IL1RAPL2: variants seen among roughly 807,000 people sequenced by gnomAD.
IL1RAPL2 encodes the protein interleukin 1 receptor accessory protein like 2.
In IL1RAPL2, 3 loss-of-function variants were observed where a neutral mutation model predicts 44.1. That is an observed-to-expected ratio of 0.07 (90% CI 0.03 to 0.18). The LOEUF is 0.18. Among genes scored for constraint, IL1RAPL2 ranks in the 10% least tolerant of loss-of-function variants. The probability of loss-of-function intolerance (pLI) is 1.00; values close to 1 mark genes in which losing one functional copy is unlikely to be tolerated. For missense variants in IL1RAPL2, 391 were observed against 496.4 expected (o/e 0.79, Z 2.02); for synonymous variants, 181 against 178.8 (o/e 1.01, Z -0.10).
At chrX:104,910,217 C>T (rs1028734583) in intron 2 of IL1RAPL2, among the ~76,000 whole-genome samples, 2 of 111,983 alleles carry the variant, frequency 1.8e-5, no homozygotes, top group African/African-American at 6.5e-5. Context: ...TCGGCTCGCT[C>T]ACGGTGCGCG....
chrX:105,146,840 T>C (rs2033183931), intron 2 of IL1RAPL2, among the ~76,000 whole-genome samples: 1 of 111,763 alleles, frequency 8.9e-6, no homozygotes, highest in Non-Finnish European at 1.9e-5. Context: ...ATAGGCAAAG[T>C]CATAAATCAT....
chrX:104,571,939 G>A (rs942563456), intron 1 of IL1RAPL2, among the ~76,000 whole-genome samples: 9 of 111,877 alleles, frequency 8.0e-5, no homozygotes, highest in African/African-American at 2.9e-4. Context: ...TTAGAACTGT[G>A]TTTTATAGTC....
chrX:104,957,659 T>A (rs776965357), intron 2 of IL1RAPL2, among the ~76,000 whole-genome samples: 1 of 112,406 alleles, frequency 8.9e-6, no homozygotes, highest in African/African-American at 3.2e-5. Context: ...TGGTTTCCTC[T>A]TCATTTTGCT....
At chrX:104,820,176 A>G (rs772252540) in intron 2 of IL1RAPL2, among the ~76,000 whole-genome samples, 4 of 111,667 alleles carry the variant, frequency 3.6e-5, no homozygotes, top group Admixed American at 9.5e-5. Flanking sequence ...TCTTTCCACA[A>G]CTGTCTCTTA....
chrX:105,292,812 T>A (rs1603050522), intron 5 of IL1RAPL2, among the ~76,000 whole-genome samples: 2 of 111,292 alleles, frequency 1.8e-5, no homozygotes, highest in Middle Eastern at 4.8e-3. Flanking sequence ...TCTTTAATTT[T>A]TAAGAGTGAA....
At chrX:105,004,740 T>A (rs2030911181) in intron 2 of IL1RAPL2, among the ~76,000 whole-genome samples, 1 of 111,148 alleles carries the variant, frequency 9.0e-6, no homozygotes, top group South Asian at 3.8e-4. Context: ...TTTTCACCTA[T>A]TTTTAATAAG....
chrX:105,041,752 AG>A, intron 2 of IL1RAPL2, among the ~76,000 whole-genome samples: 1 of 108,797 alleles, frequency 9.2e-6, no homozygotes, highest in Non-Finnish European at 1.9e-5. Flanking sequence ...GAACCAAAAA[AG>A]AGCCCGCATC....
At chrX:105,081,145 C>T (rs982912724) in intron 2 of IL1RAPL2, among the ~76,000 whole-genome samples, 5 of 111,299 alleles carry the variant, frequency 4.5e-5, no homozygotes, top group Non-Finnish European at 9.4e-5. Context: ...TCTAATTACA[C>T]AATCATGTCA....
intron 2 of IL1RAPL2, among the ~76,000 whole-genome samples, chrX:104,846,279 G>A (rs974159038): frequency 3.6e-5 from 4 of 110,231 alleles, no homozygotes; most frequent in African/African-American, 1.3e-4. Context: ...CATGTGCCAT[G>A]TTGGTGTGCC....
At chrX:105,766,606 A>ATT (rs1459300376) in intron 10 of IL1RAPL2, among the ~76,000 whole-genome samples, 1 of 111,019 alleles carries the variant, frequency 9.0e-6, no homozygotes, top group Non-Finnish European at 1.9e-5. Context: ...AAAAGGATCC[A>ATT]TTTCTCTTTT....
At chrX:105,079,108 C>A (rs780054566) in intron 2 of IL1RAPL2, among the ~76,000 whole-genome samples, 6 of 111,965 alleles carry the variant, frequency 5.4e-5, no homozygotes, top group African/African-American at 1.9e-4. Flanking sequence ...AGAAATCACC[C>A]GTCTTCTGCA....
At chrX:104,580,095 G>C (rs1259341600) in intron 1 of IL1RAPL2, among the ~76,000 whole-genome samples, 1 of 111,582 alleles carries the variant, frequency 9.0e-6, no homozygotes, top group Non-Finnish European at 1.9e-5. Context: ...GGAAAACAAA[G>C]CAAAACATGT....
At chrX:104,887,997 C>T (rs1360601022) in intron 2 of IL1RAPL2, among the ~76,000 whole-genome samples, 1 of 111,388 alleles carries the variant, frequency 9.0e-6, no homozygotes, top group Non-Finnish European at 1.9e-5. Context: ...TTATCTAATC[C>T]TACATGCCCA....
chrX:105,348,731 G>A (rs1475474916), intron 5 of IL1RAPL2, among the ~76,000 whole-genome samples: 1 of 111,465 alleles, frequency 9.0e-6, no homozygotes. Flanking sequence ...TCTCAAATCC[G>A]TGTCTCCAAC....
chrX:104,621,399 G>T (rs895785406), intron 1 of IL1RAPL2, among the ~76,000 whole-genome samples: 10 of 109,560 alleles, frequency 9.1e-5, no homozygotes, highest in African/African-American at 3.3e-4. Flanking sequence ...TCCAGGACCA[G>T]CTTGGTGACC....
chrX:105,011,934 A>G (rs1286366525), intron 2 of IL1RAPL2, among the ~76,000 whole-genome samples: 2 of 111,234 alleles, frequency 1.8e-5, no homozygotes, highest in African/African-American at 6.5e-5. Flanking sequence ...AAAGTAAGTA[A>G]CTTCAGATGC....
intron 1 of IL1RAPL2, among the ~76,000 whole-genome samples, chrX:104,610,170 A>G (rs765028315): frequency 9.0e-6 from 1 of 111,300 alleles, no homozygotes; most frequent in Non-Finnish European, 1.9e-5. Context: ...CCCACAGCCA[A>G]TATCATACTG....
At chrX:104,943,161 T>A (rs1018327341) in intron 2 of IL1RAPL2, among the ~76,000 whole-genome samples, 2 of 111,412 alleles carry the variant, frequency 1.8e-5, no homozygotes, top group South Asian at 7.7e-4. Flanking sequence ...TCTCTTTTTT[T>A]AATTGTGTCT....
intron 5 of IL1RAPL2, among the ~76,000 whole-genome samples, chrX:105,348,901 G>A (rs148046516): frequency 0.017 from 1,950 of 111,590 alleles, 44 homozygotes; most frequent in African/African-American, 0.061. Flanking sequence ...TAGTATCAGG[G>A]AGGCCTGAAG....
Sources: allele counts gnomAD v4.1 joint callset (sites outside exome capture counted in the v4.1 genomes callset), GRCh38; gene constraint gnomAD v4.1.1; transcripts MANE v1.5; gene names NCBI Gene and HGNC (gene_info 2026-07-23, HGNC 2026-07-21).